Variants in ABCA5 observed in about 807,000 individuals in gnomAD.
The protein encoded by ABCA5 is cholesterol transporter ABCA5.
A neutral mutation model predicts 206.0 loss-of-function variants in ABCA5; 163 were observed. The observed-to-expected ratio is 0.79, with a 90% CI of 0.70 to 0.90. The LOEUF (loss-of-function observed/expected upper bound fraction) is 0.90. Among genes scored for constraint, ABCA5 ranks in the 40% least tolerant of loss-of-function variants. The pLI is 0.00. For synonymous variants in ABCA5, 609 were observed against 613.8 expected (o/e 0.99, Z 0.11); for missense variants, 1,859 against 1,912.9 (o/e 0.97, Z 0.53).
Position 69,289,917 on chromosome 17 carries a change from T to G in ABCA5, c.1727A>C (p.Asn576Thr), listed in dbSNP as rs143290923. 2 of 1,612,082 alleles carry G rather than the reference T, an allele frequency of 1.2e-6. No individual in the cohort carries two copies. The highest frequency in any genetic ancestry group is 1.7e-4 in the Middle Eastern group (1 of 6,038). Residue 576 changes from asparagine to threonine, a missense_variant, in exon 13 of 39, where the codon AAT becomes ACT. Physicochemically the swap from Asn to Thr is moderately conservative, Grantham distance 65. Transcript: ENST00000392676. ...TTTGATTGAAGCCAAAATTGATAAA[T>G]TTTCTTCTACTGTCAAAACATCAAA... ...IHFDVLTVEE[N>T]LSILASIKGI...
At chr17:69,292,574 C>T (rs2075540499) in intron 11 of ABCA5, among the ~76,000 whole-genome samples, 2 of 152,284 alleles carry the variant, frequency 1.3e-5, no homozygotes, top group Middle Eastern at 6.8e-3. Context: ...CCTTTCCAAT[C>T]TGGATGCCTT....
intron 1 of ABCA5, chr17:69,325,596 A>G (rs1252185255): frequency 6.6e-6 from 1 of 152,210 alleles, no homozygotes; most frequent in Non-Finnish European, 1.5e-5. Context: ...TCATATCGGT[A>G]CTCTTGGCAC....
chr17:69,324,721 A>T (rs1454510055), intron 1 of ABCA5, among the ~76,000 whole-genome samples: 1 of 152,236 alleles, frequency 6.6e-6, no homozygotes, highest in African/African-American at 2.4e-5. Flanking sequence ...ACCACAAAGT[A>T]ATGTTATACA....
At chr17:69,277,560 A>G (rs2075347927) in intron 19 of ABCA5, 81 bp downstream of exon 19, 3 of 1,113,252 alleles carry the variant, frequency 2.7e-6, no homozygotes, top group Non-Finnish European at 3.8e-6. Flanking sequence ...ATATGTTAAC[A>G]TTTTAAAAAT....
chr17:69,256,943 T>C (rs1251680397), intron 28 of ABCA5, among the ~76,000 whole-genome samples: 1 of 151,184 alleles, frequency 6.6e-6, no homozygotes, highest in Non-Finnish European at 1.5e-5. Flanking sequence ...CCAGAAAGAG[T>C]AGATGTAGAG....
intron 19 of ABCA5, among the ~76,000 whole-genome samples, chr17:69,275,092 C>CTGCA (rs1394235742): frequency 6.6e-6 from 1 of 152,170 alleles, no homozygotes; most frequent in Admixed American, 6.5e-5. Context: ...GATCCAGCTG[C>CTGCA]TGCAGCCTTC....
chr17:69,313,043 T>G, intron 3 of ABCA5, 49 bp downstream of exon 3: 2 of 1,279,588 alleles, frequency 1.6e-6, no homozygotes, highest in Non-Finnish European at 2.1e-6. Flanking sequence ...TGATAAATAT[T>G]GAAAAGGCTT....
intron 1 of ABCA5, among the ~76,000 whole-genome samples, chr17:69,322,067 T>C (rs554847700): frequency 6.6e-6 from 1 of 152,220 alleles, no homozygotes; most frequent in African/African-American, 2.4e-5. Flanking sequence ...CTTCTTAATT[T>C]ATCTTAAAGT....
At chr17:69,263,697 C>CTTTTTGTTTTTTTTTTT (rs2075175111) in intron 24 of ABCA5, among the ~76,000 whole-genome samples, 1 of 103,692 alleles carries the variant, frequency 9.6e-6, no homozygotes, top group African/African-American at 4.4e-5. Flanking sequence ...ACATGGATTC[C>CTTTTTGTTTTTTTTTTT]TTTTTTTTTT....
chr17:69,261,002 TA>T (rs1370883181), intron 26 of ABCA5, 122 bp downstream of exon 26: 2 of 755,796 alleles, frequency 2.6e-6, no homozygotes, highest in Admixed American at 3.3e-5. Flanking sequence ...TAATAATATC[TA>T]AATCAAGTAG....
In ABCA5 at chr17:69,277,761, A is replaced by G. The variant is rs1227758028; in HGVS notation, c.2474T>C (p.Ile825Thr). ...SFDEMEQSLL[I>T]LSETKAALVS... ...TAGAGCAGCCTTGGTTTCAGAAAGA[A>G]TAAGTAAGCTCTGTTCCATTTCATC... Residue 825 changes from isoleucine to threonine, a missense_variant, in exon 19 of 39, where the codon ATT (isoleucine) becomes ACT (threonine). Transcript: ENST00000392676. 4 of 1,608,014 alleles carry G rather than the reference A, an allele frequency of 2.5e-6. No homozygotes were observed. The highest frequency in any genetic ancestry group is 1.1e-5 in the South Asian group (1 of 89,434).
intron 9 of ABCA5, among the ~76,000 whole-genome samples, chr17:69,298,736 A>G (rs572139449): frequency 6.6e-6 from 1 of 152,324 alleles, no homozygotes; most frequent in South Asian, 2.1e-4. Context: ...CTGAAACCAT[A>G]AAAATTTGAG....
At chr17:69,285,843 T>C in intron 17 of ABCA5, 55 bp downstream of exon 17, 2 of 1,517,242 alleles carry the variant, frequency 1.3e-6, no homozygotes. Flanking sequence ...CAATGAAACC[T>C]ATTCCCAATA....
chr17:69,307,487 T>C (rs2075729588), intron 5 of ABCA5, among the ~76,000 whole-genome samples: 1 of 152,088 alleles, frequency 6.6e-6, no homozygotes, highest in Non-Finnish European at 1.5e-5. Flanking sequence ...ATCCTGCCTA[T>C]TCATCCAGTG....
rs753004266 is a variant in ABCA5, at chr17:69,268,043, A to G, written c.3044T>C (p.Ile1015Thr). ...STPFFQEITD[I>T]VFKIELYFQA... ...AAAATACAGCTCAATTTTAAAAACT[A>G]TATCAGTAATTTCCTGAAAGACAAC... Residue 1015 changes from isoleucine to threonine, a missense_variant, in exon 23 of 39, where the codon ATA becomes ACA. By Grantham distance (89) the Ile-to-Thr change is moderately conservative (BLOSUM62 -1). Transcript: ENST00000392676. 19 of 1,568,994 alleles carry G rather than the reference A, an allele frequency of 1.2e-5. No individual in the cohort carries two copies. The highest frequency in any genetic ancestry group is 6.7e-5 in the South Asian group (6 of 89,474).
chr17:69,302,943 A>T, intron 7 of ABCA5, 37 bp from the exon 8 acceptor site: 1 of 1,149,350 alleles, frequency 8.7e-7, no homozygotes, highest in Non-Finnish European at 1.2e-6. Flanking sequence ...TGCAATGTTC[A>T]TATATACCAG....
Position 69,261,140 on chromosome 17 carries a change from C to G in ABCA5, c.3549G>C (p.Leu1183=), listed in dbSNP as rs78349182. 47 of 1,573,692 alleles carry G rather than the reference C, an allele frequency of 3.0e-5. No individual in the cohort carries two copies. In the Middle Eastern group the frequency reaches 5.2e-4, roughly 17 times the overall value. The change falls in exon 26 of 39, where the codon CTG becomes CTC. Residue 1183 remains leucine, a synonymous_variant. Coordinates refer to ENST00000392676, the MANE Select transcript of ABCA5 (RefSeq NM_172232.4). ...GCAGAATTACCTTTATGAAAGAAATCAGGCAACCTAGAAGTGGATAGATTG... is the reference window on the plus strand; with the variant it reads ...GCAGAATTACCTTTATGAAAGAAATGAGGCAACCTAGAAGTGGATAGATTG... The part of the protein sequence containing the change: ...IIPIYPLLGC[L]ISFIKISWKN...
At position 69,266,601 on chromosome 17, in the gene ABCA5, AAAAT is replaced by A. The variant is rs879837357; in HGVS notation, c.3144+1338_3144+1341del. 4.3e-3 allele frequency among the ~76,000 whole-genome samples: 639 copies of A among 147,440 alleles called. 2 individuals are homozygous for A. Among genetic ancestry groups the A allele is most frequent in the South Asian group, 6.1e-3 (29 of 4,778 alleles). The stretch of plus-strand genomic sequence containing the variant: ...ATATATATATAAATAAAAAAATTAA[AAAAT>A]AAATAAATAAAAATAAAAAATTTAT... On this transcript the variant is annotated intron_variant, in intron 23 of 38. Transcript: ENST00000392676.
intron 6 of ABCA5, among the ~76,000 whole-genome samples, chr17:69,305,415 T>A (rs989961736): frequency 5.1e-4 from 78 of 152,342 alleles, no homozygotes; most frequent in African/African-American, 1.8e-3. Context: ...TTTAATGATG[T>A]CATGAAATCA....
Sources: allele counts gnomAD v4.1 joint callset (sites outside exome capture counted in the v4.1 genomes callset), GRCh38; gene constraint gnomAD v4.1.1; transcripts MANE v1.5; gene names NCBI Gene and HGNC (gene_info 2026-07-23, HGNC 2026-07-21).